COX10: variants seen among roughly 807,000 people sequenced by gnomAD.
COX10 encodes the protein cytochrome c oxidase assembly factor heme A:farnesyltransferase COX10.
A neutral mutation model predicts 37.3 loss-of-function variants in COX10; 27 were observed. The observed-to-expected ratio is 0.72, with a 90% CI of 0.53 to 1.00. COX10 has a LOEUF of 1.00. Ranked by LOEUF, COX10 falls within the 50% of genes least tolerant of loss-of-function variation. COX10 has a pLI of 0.00. For missense variants in COX10, 475 were observed against 563.2 expected (o/e 0.84, Z 1.59); for synonymous variants, 222 against 229.1 (o/e 0.97, Z 0.28).
At chr17:14,127,136 G>A (rs1916359380) in intron 4 of COX10, among the ~76,000 whole-genome samples, 2 of 152,120 alleles carry the variant, frequency 1.3e-5, no homozygotes, top group South Asian at 4.1e-4. Flanking sequence ...ATTATTAAAA[G>A]AGAGTTAATT....
chr17:14,126,901 A>G (rs1916353686), intron 4 of COX10, among the ~76,000 whole-genome samples: 1 of 152,130 alleles, frequency 6.6e-6, no homozygotes, highest in South Asian at 2.1e-4. Context: ...TATGAGCATT[A>G]CTGAAATATG....
chr17:14,206,896 C>A lies in COX10; in HGVS notation c.1015C>A (p.Arg339=). Residue 339 remains arginine (R), a synonymous_variant, in exon 7 of 7, where the codon CGG becomes AGG. Transcript: ENST00000261643. ...LSWGLREDYS[R]GGYCMMSVTH... Reference sequence around the variant, plus strand: ...CTGGGGCCTCCGTGAAGACTACTCCCGGGGCGGCTACTGCATGATGTCGGT... The same window carrying A: ...CTGGGGCCTCCGTGAAGACTACTCCAGGGGCGGCTACTGCATGATGTCGGT... 6.2e-7 allele frequency: 1 copy of A among 1,613,964 alleles called. No individual in the cohort carries two copies. Among genetic ancestry groups the A allele is most frequent in the Non-Finnish European group, 8.5e-7 (1 of 1,179,952 alleles).
chr17:14,105,230 C>T (rs961763189), intron 4 of COX10, among the ~76,000 whole-genome samples: 1 of 152,124 alleles, frequency 6.6e-6, no homozygotes, highest in Non-Finnish European at 1.5e-5. Flanking sequence ...AAATACATTT[C>T]TACAAGATAC....
At chr17:14,165,328 C>A (rs1905255858) in intron 5 of COX10, among the ~76,000 whole-genome samples, 1 of 152,232 alleles carries the variant, frequency 6.6e-6, no homozygotes, top group East Asian at 1.9e-4. Flanking sequence ...AGCATATGGT[C>A]ACTTTGTGTC....
chr17:14,104,994 GAT>G (rs1915860627), intron 4 of COX10, among the ~76,000 whole-genome samples: 1 of 152,134 alleles, frequency 6.6e-6, no homozygotes, highest in Admixed American at 6.5e-5. Flanking sequence ...GCAGCTGAAA[GAT>G]AAAATATTGT....
rs140987571 is a variant in COX10, at chr17:14,114,976, C to T, written c.624+12734C>T. 9.5e-4 allele frequency among the ~76,000 whole-genome samples: 144 copies of T among 152,170 alleles called. 1 individual carries two copies. The Middle Eastern group carries it at 0.01, about 11-fold the overall frequency. ...CTGTTATATCATTTATTAAATTGCA[C>T]TTCAGTATATTTTTATGCATCTGAA... is the stretch of plus-strand genomic sequence containing the variant. On this transcript the variant is annotated intron_variant, in intron 4 of 6. Coordinates refer to ENST00000261643, the MANE Select transcript of COX10 (RefSeq NM_001303.4).
intron 3 of COX10, among the ~76,000 whole-genome samples, chr17:14,086,820 A>G (rs867575443): frequency 3.3e-5 from 5 of 152,004 alleles, no homozygotes; most frequent in African/African-American, 1.2e-4. Flanking sequence ...TTCTTTTTTT[A>G]GAGATTGATA....
chr17:14,165,043 C>G (rs145216809), intron 5 of COX10, among the ~76,000 whole-genome samples: 3 of 152,258 alleles, frequency 2.0e-5, no homozygotes, highest in Admixed American at 6.5e-5. Context: ...TACATGTCAC[C>G]CCGTACAGAG....
chr17:14,140,766 G>C (rs1904516101), intron 4 of COX10, among the ~76,000 whole-genome samples: 1 of 152,108 alleles, frequency 6.6e-6, no homozygotes, highest in Non-Finnish European at 1.5e-5. Context: ...TATGTGATCA[G>C]TAATCTTCAA....
chr17:14,117,947 G>A (rs1409294186), intron 4 of COX10, among the ~76,000 whole-genome samples: 1 of 152,076 alleles, frequency 6.6e-6, no homozygotes, highest in Non-Finnish European at 1.5e-5. Context: ...GAAGGGGGAT[G>A]GAATGGGAAG....
At chr17:14,164,068 G>A (rs1905226286) in intron 5 of COX10, among the ~76,000 whole-genome samples, 2 of 152,160 alleles carry the variant, frequency 1.3e-5, no homozygotes, top group Admixed American at 6.5e-5. Context: ...TAAAAACACC[G>A]ACAGTTCCTC....
At position 14,145,776 on chromosome 17, in the gene COX10, G is replaced by A. The variant is rs923695480; in HGVS notation, c.625-14101G>A. ...TAGGGGAGGATCAATACTGGAGGTA[G>A]GGGAAGTAGTCAGGGGGCTGTTGTA... On this transcript the variant is annotated intron_variant, in intron 4 of 6. Transcript: ENST00000261643. Among the ~76,000 whole-genome samples the A allele has an allele frequency of 1.3e-5, 2 of 152,290 alleles. 1 individual carries two copies. Among genetic ancestry groups the A allele is most frequent in the Admixed American group, 1.3e-4 (2 of 15,278 alleles).
rs1316113576 is a variant in COX10 at position 14,207,178 on chromosome 17, A to G, written c.1297A>G (p.Ser433Gly). 6.2e-7 allele frequency: 1 copy of G among 1,606,540 alleles called. No homozygotes were observed. The highest frequency in any genetic ancestry group is 8.5e-7 in the Non-Finnish European group (1 of 1,177,692). Residue 433 changes from serine (S) to glycine (G), a missense_variant, in exon 7 of 7, where the codon AGC becomes GGC. By Grantham distance (56) the Ser-to-Gly change is moderately conservative. This residue lies in a region of COX10 where 160 missense variants were observed against 180.6 expected (regional missense o/e 0.89). Transcript: ENST00000261643. ...LLLMLTCKRP[S>G]GGGDAGPPPS ...GCTCATGCTCACCTGCAAGCGGCCG[A>G]GCGGAGGCGGGGACGCAGGGCCCCC...
chr17:14,080,735 GTAAA>G (rs1251551950), intron 3 of COX10, among the ~76,000 whole-genome samples: 1 of 151,856 alleles, frequency 6.6e-6, no homozygotes, highest in Admixed American at 6.6e-5. Flanking sequence ...AGAATTCTTT[GTAAA>G]TAAATTAGCA....
chr17:14,112,693 C>A (rs897244681), intron 4 of COX10, among the ~76,000 whole-genome samples: 1 of 151,992 alleles, frequency 6.6e-6, no homozygotes, highest in Non-Finnish European at 1.5e-5. Context: ...AGAAAAGTGA[C>A]CAGAACATCA....
intron 4 of COX10, among the ~76,000 whole-genome samples, chr17:14,116,385 C>T (rs536595595): frequency 1.0e-3 from 155 of 152,194 alleles, no homozygotes; most frequent in African/African-American, 3.6e-3. Context: ...AAAACACAAG[C>T]TAGGAGATAC....
chr17:14,159,851 T>A, intron 4 of COX10, 26 bp from the exon 5 acceptor site: 1 of 1,561,144 alleles, frequency 6.4e-7, no homozygotes, highest in Non-Finnish European at 8.8e-7. Flanking sequence ...GTTAATGTTT[T>A]CTGTCTTTTT....
chr17:14,095,128 C>A (rs1235969991), intron 3 of COX10, among the ~76,000 whole-genome samples: 2 of 152,178 alleles, frequency 1.3e-5, no homozygotes, highest in Non-Finnish European at 2.9e-5. Context: ...TCTTCTGTAG[C>A]AGAAGGGGTT....
At chr17:14,135,854 C>T (rs1477475109) in intron 4 of COX10, among the ~76,000 whole-genome samples, 2 of 151,710 alleles carry the variant, frequency 1.3e-5, no homozygotes, top group African/African-American at 2.4e-5. Context: ...ATTTGAGTAG[C>T]AAAGAAAAGA....
Sources: gnomAD v4.1 joint callset for allele counts (sites outside exome capture counted in the v4.1 genomes callset) on GRCh38, gnomAD v4.1.1 for gene constraint, gnomAD v4.1.1 regional missense constraint, MANE v1.5 for transcripts, NCBI Gene and HGNC (gene_info 2026-07-23, HGNC 2026-07-21) for gene names.